WWOX: variants seen among roughly 807,000 people sequenced by gnomAD.
WWOX encodes WW domain-containing oxidoreductase.
A neutral mutation model predicts 46.2 loss-of-function variants in WWOX; 69 were observed. The observed-to-expected ratio is 1.49, with a 90% CI of 1.23 to 1.82. WWOX has a LOEUF of 1.82. Ranked by LOEUF, WWOX falls within the 40% of genes most tolerant of loss-of-function variation. WWOX has a pLI of 0.00. For synonymous variants in WWOX, 359 were observed against 202.6 expected (o/e 1.77, Z -6.56); for missense variants, 919 against 542.6 (o/e 1.69, Z -6.89).
intron 8 of WWOX, among the ~76,000 whole-genome samples, chr16:79,126,345 G>C (rs62038851): frequency 0.097 from 14,693 of 152,164 alleles, 908 homozygotes; most frequent in African/African-American, 0.17. Flanking sequence ...CAACTCAAAT[G>C]TCATCTCGAA....
In WWOX at chr16:78,099,903, G is replaced by A. The variant is rs146301453; in HGVS notation, c.107+18G>A. On this transcript the variant is annotated intron_variant, in intron 1 of 8. Coordinates refer to ENST00000566780, the MANE Select transcript of WWOX (RefSeq NM_016373.4). Reference sequence around the variant, plus strand: ...TACGCCAAGTAAGGGGGCCGCAGTGGGGCCGCGGACGCACCTGGGACCCTG... The same window carrying A: ...TACGCCAAGTAAGGGGGCCGCAGTGAGGCCGCGGACGCACCTGGGACCCTG... 234 of 1,553,102 alleles carry A rather than the reference G, an allele frequency of 1.5e-4. 1 individual carries two copies. The African/African-American group carries it at 2.6e-3, about 17-fold the overall frequency.
chr16:78,252,877 A>G (rs916018858), intron 5 of WWOX, among the ~76,000 whole-genome samples: 1 of 152,234 alleles, frequency 6.6e-6, no homozygotes, highest in Non-Finnish European at 1.5e-5. Context: ...AAATGGCAAT[A>G]AGGAGTAAAG....
intron 5 of WWOX, among the ~76,000 whole-genome samples, chr16:78,262,097 CAAAAAAAA>C (rs752161345): frequency 9.6e-5 from 6 of 62,610 alleles, no homozygotes; most frequent in East Asian, 6.3e-4. Flanking sequence ...GAAACTCTGT[CAAAAAAAA>C]AAAAAAAAAA....
At chr16:78,705,792 A>G (rs553227279) in intron 8 of WWOX, among the ~76,000 whole-genome samples, 51 of 152,184 alleles carry the variant, frequency 3.4e-4, no homozygotes, top group Non-Finnish European at 6.2e-4. Flanking sequence ...TACATTGAAA[A>G]CAAAATGAAA....
intron 8 of WWOX, among the ~76,000 whole-genome samples, chr16:79,027,533 C>A (rs919321196): frequency 6.6e-6 from 1 of 151,712 alleles, no homozygotes; most frequent in Admixed American, 6.6e-5. Context: ...ATGTCCAATT[C>A]CCCGTTCTGG....
rs926842321 is a variant in WWOX at position 78,100,247 on chromosome 16, T to TTGTTG, written c.107+367_107+371dup. ...GCTCTGGGTTGCAGGGATAGGAGTT[T>TTGTTG]TGTTGTGTTTTGTTTTGTTTTGTCC... is the stretch of plus-strand genomic sequence containing the variant. On this transcript the variant is annotated intron_variant, in intron 1 of 8. Coordinates refer to ENST00000566780, the MANE Select transcript of WWOX (RefSeq NM_016373.4). 9.8e-6 allele frequency: 11 copies of TTGTTG among 1,117,124 alleles called. No homozygotes were observed. In the African/African-American group the frequency reaches 1.0e-4, roughly 10 times the overall value. The allele number at this position is 1,117,124 out of a possible 1,614,324, so 69.2% of individuals were successfully genotyped here. A position where few individuals can be genotyped will look rare whatever the true frequency, so the allele number is the denominator to read the frequency against.
chr16:78,416,168 T>G (rs1215730357), intron 6 of WWOX, among the ~76,000 whole-genome samples: 2 of 152,246 alleles, frequency 1.3e-5, no homozygotes, highest in Admixed American at 6.5e-5. Context: ...GGAAGGATAC[T>G]ATTTTTGTTT....
At chr16:78,506,859 C>G (rs543705538) in intron 8 of WWOX, among the ~76,000 whole-genome samples, 1 of 151,918 alleles carries the variant, frequency 6.6e-6, no homozygotes, top group Non-Finnish European at 1.5e-5. Context: ...ACTACAGGCA[C>G]CTACCACCAC....
Position 78,809,431 on chromosome 16 carries a change from A to G in WWOX, c.1056+376679A>G, listed in dbSNP as rs551554616. 3.9e-5 allele frequency among the ~76,000 whole-genome samples: 6 copies of G among 152,188 alleles called. No individual in the cohort carries two copies. The East Asian group carries it at 1.2e-3, about 29-fold the overall frequency. Reference sequence around the variant, plus strand: ...TGCTTCCCTTCCCTAGTATGTATTAATGAGATGAAATCACTTCTTAATTTT... The same window carrying G: ...TGCTTCCCTTCCCTAGTATGTATTAGTGAGATGAAATCACTTCTTAATTTT... On this transcript the variant is annotated intron_variant, in intron 8 of 8. Transcript: ENST00000566780.
chr16:78,503,557 A>T (rs1047830725), intron 8 of WWOX: 5 of 152,196 alleles, frequency 3.3e-5, no homozygotes, highest in Non-Finnish European at 1.5e-5. Flanking sequence ...AGCATAATTG[A>T]TGTGCCATGA....
chr16:78,330,539 G>C (rs562821361), intron 5 of WWOX, among the ~76,000 whole-genome samples: 1 of 152,194 alleles, frequency 6.6e-6, no homozygotes, highest in African/African-American at 2.4e-5. Context: ...TGAGACTACA[G>C]GCGCATGCCA....
chr16:79,046,579 G>A (rs1456848874), intron 8 of WWOX, among the ~76,000 whole-genome samples: 3 of 152,176 alleles, frequency 2.0e-5, no homozygotes, highest in Admixed American at 1.3e-4. Flanking sequence ...AGAGCTCACC[G>A]GGGAGTGTTT....
chr16:78,369,024 T>C (rs1445743447), intron 5 of WWOX, among the ~76,000 whole-genome samples: 1 of 152,032 alleles, frequency 6.6e-6, no homozygotes, highest in Non-Finnish European at 1.5e-5. Flanking sequence ...CCTTCCTTCC[T>C]CTCTCAACTC....
chr16:78,624,919 A>G (rs1432586036), intron 8 of WWOX, among the ~76,000 whole-genome samples: 1 of 152,168 alleles, frequency 6.6e-6, no homozygotes, highest in Non-Finnish European at 1.5e-5. Context: ...TGTACACACA[A>G]AACCCTGTTC....
At position 78,315,935 on chromosome 16, in the gene WWOX, CT is replaced by C. The variant is rs200137003; in HGVS notation, c.517-70921del. Among the ~76,000 whole-genome samples the C allele has an allele frequency of 5.6e-3, 852 of 152,100 alleles. 5 individuals are homozygous for C. Among genetic ancestry groups the C allele is most frequent in the African/African-American group, 0.02 (810 of 41,482 alleles). On this transcript the variant is annotated intron_variant, in intron 5 of 8. Transcript: ENST00000566780. ...GAATATTTATCAGGTTTCTCGTTTT[CT>C]TTTGTTTTTGTTGTAAGTGGCACTG...
intron 8 of WWOX, among the ~76,000 whole-genome samples, chr16:78,765,482 C>G (rs113412419): frequency 0.083 from 12,672 of 152,172 alleles, 601 homozygotes; most frequent in South Asian, 0.12. Context: ...AGTTCGAGAC[C>G]AGCCTGGCCA....
At chr16:78,668,299 C>T (rs2047379728) in intron 8 of WWOX, among the ~76,000 whole-genome samples, 1 of 152,054 alleles carries the variant, frequency 6.6e-6, no homozygotes, top group South Asian at 2.1e-4. Context: ...AAACAAAAAA[C>T]ATACAACTTA....
intron 8 of WWOX, among the ~76,000 whole-genome samples, chr16:78,627,275 C>G (rs2738575): frequency 2.6e-5 from 4 of 152,160 alleles, no homozygotes; most frequent in Non-Finnish European, 5.9e-5. Flanking sequence ...CCCTCCAAAC[C>G]TGATTGGCCA....
At chr16:78,964,690 G>T (rs1452420816) in intron 8 of WWOX, among the ~76,000 whole-genome samples, 1 of 152,218 alleles carries the variant, frequency 6.6e-6, no homozygotes, top group African/African-American at 2.4e-5. Context: ...TGTTAATCTC[G>T]AAGACCATGA....
Sources: allele counts gnomAD v4.1 joint callset (sites outside exome capture counted in the v4.1 genomes callset), GRCh38; gene constraint gnomAD v4.1.1; transcripts MANE v1.5; gene names NCBI Gene and HGNC (gene_info 2026-07-23, HGNC 2026-07-21).